GNA14: variants seen among roughly 807,000 people sequenced by gnomAD.
GNA14 encodes G protein subunit alpha 14.
GNA14 carries 50 observed loss-of-function variants against 42.0 expected under a neutral mutation model. The observed-to-expected ratio is 1.19, with a 90% CI of 0.95 to 1.51. The LOEUF (loss-of-function observed/expected upper bound fraction) is 1.51, where lower values mean the gene tolerates loss of function less well. GNA14 is among the 40% of genes most tolerant of loss of function. The pLI is 0.00. For missense variants in GNA14, 473 were observed against 446.2 expected (o/e 1.06, Z -0.54); for synonymous variants, 173 against 163.1 (o/e 1.06, Z -0.46).
At chr9:77,495,523 T>C (rs780060870) in intron 2 of GNA14, among the ~76,000 whole-genome samples, 3 of 152,176 alleles carry the variant, frequency 2.0e-5, no homozygotes, top group Non-Finnish European at 4.4e-5. Context: ...GAAATGAACT[T>C]CTCTTGTGTT....
chr9:77,624,913 T>C (rs906806911), intron 1 of GNA14, among the ~76,000 whole-genome samples: 2 of 151,926 alleles, frequency 1.3e-5, no homozygotes, highest in African/African-American at 4.8e-5. Context: ...ATTTGACGAA[T>C]TGACCGAAGT....
intron 1 of GNA14, among the ~76,000 whole-genome samples, chr9:77,603,206 C>G (rs1011093733): frequency 6.6e-6 from 1 of 152,130 alleles, no homozygotes; most frequent in African/African-American, 2.4e-5. Flanking sequence ...CCTACTGTTC[C>G]AAAACCAATG....
chr9:77,612,660 AT>A (rs1269785120), intron 1 of GNA14, among the ~76,000 whole-genome samples: 30 of 151,254 alleles, frequency 2.0e-4, no homozygotes, highest in Non-Finnish European at 3.5e-4. Flanking sequence ...AATGGCTATT[AT>A]TTAAAAAAAA....
At chr9:77,575,723 C>A (rs1823118404) in intron 1 of GNA14, among the ~76,000 whole-genome samples, 1 of 152,136 alleles carries the variant, frequency 6.6e-6, no homozygotes, top group Non-Finnish European at 1.5e-5. Flanking sequence ...CTACAAATTA[C>A]CATTTTCTAT....
chr9:77,428,966 T>C lies in GNA14; in HGVS notation c.664A>G (p.Ile222Val), dbSNP rs1835500629. Residue 222 changes from isoleucine to valine, a missense_variant, in exon 5 of 7, where the codon ATT becomes GTT. Transcript: ENST00000341700. ...WIHCFESVTS[I>V]IFLVALSEYD... ...TCACTCAGAGCAACCAAGAAAATAATGGAGGTGACACTCTCAAAGCAGTGA... is the reference window on the plus strand; with the variant it reads ...TCACTCAGAGCAACCAAGAAAATAACGGAGGTGACACTCTCAAAGCAGTGA... 6.2e-7 allele frequency: 1 copy of C among 1,613,740 alleles called. No individual in the cohort carries two copies. Among genetic ancestry groups the C allele is most frequent in the Admixed American group, 1.7e-5 (1 of 59,978 alleles).
At chr9:77,464,860 GT>G (rs59459118) in intron 2 of GNA14, among the ~76,000 whole-genome samples, 1 of 152,128 alleles carries the variant, frequency 6.6e-6, no homozygotes, top group Non-Finnish European at 1.5e-5. Flanking sequence ...TACAAGCAGT[GT>G]TTTTTTAAGA....
intron 2 of GNA14, among the ~76,000 whole-genome samples, chr9:77,442,948 T>C (rs559746111): frequency 2.0e-5 from 3 of 152,312 alleles, no homozygotes; most frequent in East Asian, 1.9e-4. Flanking sequence ...GTGAAAAGCA[T>C]AGCTAGAGCT....
chr9:77,465,171 AT>A (rs1259203582), intron 2 of GNA14, among the ~76,000 whole-genome samples: 1 of 152,180 alleles, frequency 6.6e-6, no homozygotes, highest in East Asian at 1.9e-4. Flanking sequence ...GATACTCCCC[AT>A]TTACTCCCCC....
At chr9:77,597,811 T>A (rs550763861) in intron 1 of GNA14, among the ~76,000 whole-genome samples, 1 of 152,106 alleles carries the variant, frequency 6.6e-6, no homozygotes, top group South Asian at 2.1e-4. Context: ...CTATAATCCA[T>A]CCCAGCACTT....
intron 1 of GNA14, among the ~76,000 whole-genome samples, chr9:77,555,199 GT>G (rs1822756221): frequency 6.6e-6 from 1 of 152,100 alleles, no homozygotes; most frequent in Non-Finnish European, 1.5e-5. Context: ...CACTTTAAAA[GT>G]TTCAGTAAAA....
intron 2 of GNA14, among the ~76,000 whole-genome samples, chr9:77,440,272 C>T (rs944171464): frequency 6.6e-6 from 1 of 152,246 alleles, no homozygotes; most frequent in Non-Finnish European, 1.5e-5. Flanking sequence ...TGAAGTGGCG[C>T]CCTGCCGGTT....
At chr9:77,567,393 C>A (rs1471678895) in intron 1 of GNA14, among the ~76,000 whole-genome samples, 2 of 152,166 alleles carry the variant, frequency 1.3e-5, no homozygotes, top group Non-Finnish European at 2.9e-5. Context: ...TGTGAACTTC[C>A]AATAAAGAAC....
At chr9:77,532,166 G>T (rs757422991) in intron 1 of GNA14, among the ~76,000 whole-genome samples, 2 of 152,074 alleles carry the variant, frequency 1.3e-5, no homozygotes, top group Non-Finnish European at 2.9e-5. Context: ...AGATTAAATT[G>T]GTTGTCCAAG....
At chr9:77,472,118 C>T (rs1284393435) in intron 2 of GNA14, among the ~76,000 whole-genome samples, 3 of 152,104 alleles carry the variant, frequency 2.0e-5, no homozygotes, top group Admixed American at 2.0e-4. Context: ...CAGCTTTGCA[C>T]CAGCTCTGTC....
At chr9:77,551,307 A>G (rs911651917) in intron 1 of GNA14, among the ~76,000 whole-genome samples, 4 of 151,964 alleles carry the variant, frequency 2.6e-5, no homozygotes, top group Non-Finnish European at 5.9e-5. Context: ...CTACTCATCT[A>G]CTAATGCTGA....
intron 2 of GNA14, among the ~76,000 whole-genome samples, chr9:77,492,927 G>A (rs2131737426): frequency 6.7e-6 from 1 of 149,674 alleles, no homozygotes; most frequent in African/African-American, 2.5e-5. Flanking sequence ...CTTGAACCTG[G>A]GAGGCGGAGG....
At position 77,425,658 on chromosome 9, in the gene GNA14, G is replaced by C. The variant is rs572996758; in HGVS notation, c.781C>G (p.Leu261Val). ...AAGAATAAAATCACAGACGAATTCAGAAACCAGGGGTAGGTGATGATGGTT... is the reference window on the plus strand; with the variant it reads ...AAGAATAAAATCACAGACGAATTCACAAACCAGGGGTAGGTGATGATGGTT... ...FKTIITYPWF[L>V]NSSVILFLNK... Residue 261 changes from leucine to valine, a missense_variant, in exon 6 of 7, where the codon CTG (leucine) becomes GTG (valine). By Grantham distance (32) the Leu-to-Val change is conservative. Coordinates refer to ENST00000341700, the MANE Select transcript of GNA14 (RefSeq NM_004297.4). The C allele has an allele frequency of 4.3e-6, 7 of 1,610,170 alleles. No individual in the cohort carries two copies. The South Asian group carries it at 6.6e-5, about 15-fold the overall frequency.
intron 2 of GNA14, among the ~76,000 whole-genome samples, chr9:77,474,606 A>C (rs1836387615): frequency 6.6e-6 from 1 of 152,182 alleles, no homozygotes; most frequent in Non-Finnish European, 1.5e-5. Context: ...TCACCTAGTT[A>C]AGCATAATTA....
chr9:77,562,732 A>G (rs1407343705), intron 1 of GNA14, among the ~76,000 whole-genome samples: 2 of 152,212 alleles, frequency 1.3e-5, no homozygotes, highest in Admixed American at 6.5e-5. Context: ...TGATAACCTA[A>G]AAGTTTGAAC....
Sources: gnomAD v4.1 joint callset for allele counts (sites outside exome capture counted in the v4.1 genomes callset) on GRCh38, gnomAD v4.1.1 for gene constraint, MANE v1.5 for transcripts, NCBI Gene and HGNC (gene_info 2026-07-23, HGNC 2026-07-21) for gene names.